ROBO1: variants seen among roughly 807,000 people sequenced by gnomAD.
The protein encoded by ROBO1 is roundabout homolog 1.
A neutral mutation model predicts 195.9 loss-of-function variants in ROBO1; 149 were observed. The ratio of observed to expected loss-of-function variants is 0.76; its 90% CI spans 0.67 to 0.87. The LOEUF (loss-of-function observed/expected upper bound fraction) is 0.87, where lower values mean the gene tolerates loss of function less well. ROBO1 is among the 40% of genes least tolerant of loss of function. ROBO1 has a pLI of 0.00. For missense variants in ROBO1, 1,933 were observed against 2,068.3 expected (o/e 0.93, Z 1.27); for synonymous variants, 816 against 733.2 (o/e 1.11, Z -1.82).
At chr3:78,633,187 A>G (rs1200962122) in intron 24 of ROBO1, among the ~76,000 whole-genome samples, 1 of 152,212 alleles carries the variant, frequency 6.6e-6, no homozygotes, top group East Asian at 1.9e-4. Flanking sequence ...CTGGAGAAAC[A>G]TTGCTAGAGT....
chr3:78,763,549 C>T (rs1199206021), intron 4 of ROBO1, among the ~76,000 whole-genome samples: 3 of 152,130 alleles, frequency 2.0e-5, no homozygotes, highest in African/African-American at 7.2e-5. Context: ...TTTGGTAATA[C>T]ATGCCTATAA....
chr3:78,979,939 T>C (rs1028393277), intron 3 of ROBO1, among the ~76,000 whole-genome samples: 5 of 152,108 alleles, frequency 3.3e-5, no homozygotes, highest in African/African-American at 1.2e-4. Flanking sequence ...CTTTCTAAAA[T>C]AGAAAAAGCT....
intron 4 of ROBO1, among the ~76,000 whole-genome samples, chr3:78,763,427 T>A (rs981043834): frequency 3.3e-5 from 5 of 152,186 alleles, no homozygotes; most frequent in African/African-American, 1.2e-4. Flanking sequence ...TTTATCATTT[T>A]TACCATTTAA....
chr3:79,763,340 C>A (rs1704815463), intron 1 of ROBO1, among the ~76,000 whole-genome samples: 1 of 151,982 alleles, frequency 6.6e-6, no homozygotes, highest in Admixed American at 6.6e-5. Context: ...AAGGTAAAGG[C>A]TCAAAAAATG....
intron 1 of ROBO1, among the ~76,000 whole-genome samples, chr3:79,764,407 C>A (rs889798924): frequency 2.6e-5 from 4 of 152,170 alleles, no homozygotes; most frequent in Non-Finnish European, 5.9e-5. Flanking sequence ...TGTCTGTGGT[C>A]TCAGAAAGAG....
chr3:79,742,454 C>T (rs961797420), intron 1 of ROBO1, among the ~76,000 whole-genome samples: 9 of 151,966 alleles, frequency 5.9e-5, no homozygotes, highest in Non-Finnish European at 1.3e-4. Context: ...CCAAGGTTTC[C>T]CTGTGGTGTT....
chr3:78,754,385 C>T (rs1054460042), intron 4 of ROBO1, among the ~76,000 whole-genome samples: 1 of 152,114 alleles, frequency 6.6e-6, no homozygotes, highest in Non-Finnish European at 1.5e-5. Context: ...AGCTACGGGA[C>T]CCTGATTAGG....
Position 78,938,787 on chromosome 3 carries a change from C to T in ROBO1, c.313G>A (p.Gly105Arg). The T allele has an allele frequency of 6.2e-7, 1 of 1,613,954 alleles. No individual in the cohort carries two copies. The highest frequency in any genetic ancestry group is 8.5e-7 in the Non-Finnish European group (1 of 1,179,878). ...TCTTTGTCTGTCTCCACTCTCTCTC[C>T]CCCTTTGTACCATTCAATAGTGGGT... is the stretch of plus-strand genomic sequence containing the variant. ...PTPTIEWYKG[G>R]ERVETDKDDP... is the part of the protein sequence containing the mutation. The change falls in exon 4 of 31, where the codon GGA becomes AGA. Residue 105 changes from glycine (G) to arginine (R), a missense_variant. Gly to Arg is a moderately radical substitution (Grantham distance 125). Transcript: ENST00000464233.
chr3:79,373,850 TG>T (rs1391230425), intron 2 of ROBO1, among the ~76,000 whole-genome samples: 3 of 152,196 alleles, frequency 2.0e-5, no homozygotes, highest in Non-Finnish European at 4.4e-5. Flanking sequence ...GGTCACTATG[TG>T]GATTTAAAAC....
At chr3:79,546,981 AC>A (rs1942288140) in intron 2 of ROBO1, among the ~76,000 whole-genome samples, 1 of 152,042 alleles carries the variant, frequency 6.6e-6, no homozygotes, top group Non-Finnish European at 1.5e-5. Context: ...GGAGATCAAG[AC>A]CATCTTGGCT....
chr3:79,633,756 T>C (rs1945416190), intron 1 of ROBO1, among the ~76,000 whole-genome samples: 1 of 151,998 alleles, frequency 6.6e-6, no homozygotes, highest in African/African-American at 2.4e-5. Flanking sequence ...AAATAACCTT[T>C]GATACCCCAT....
rs187497134 is a variant in ROBO1 at position 78,639,985 on chromosome 3, G to C, written c.2883-87C>G. Reference sequence around the variant, plus strand: ...AAAATTCCAATAAATTCCTCATCTTGTTATGCTCACAAATCATCTGATGAA... The same window carrying C: ...AAAATTCCAATAAATTCCTCATCTTCTTATGCTCACAAATCATCTGATGAA... On this transcript the variant is annotated intron_variant, in intron 21 of 30. Transcript: ENST00000464233. 2.0e-4 allele frequency: 219 copies of C among 1,096,388 alleles called. 1 individual carries two copies. In the African/African-American group the frequency reaches 3.3e-3, roughly 17 times the overall value. The allele number at this position is 1,096,388 out of a possible 1,614,324, so 67.9% of individuals were successfully genotyped here.
intron 2 of ROBO1, among the ~76,000 whole-genome samples, chr3:79,176,013 G>C (rs966467660): frequency 6.6e-6 from 1 of 152,078 alleles, no homozygotes; most frequent in Admixed American, 6.6e-5. Flanking sequence ...TGAAGGTTAC[G>C]CTGATCAACT....
chr3:79,442,808 T>C (rs1228177311), intron 2 of ROBO1, among the ~76,000 whole-genome samples: 1 of 152,196 alleles, frequency 6.6e-6, no homozygotes, highest in Non-Finnish European at 1.5e-5. Context: ...CTTAGAATTC[T>C]TTCCTGAACC....
intron 4 of ROBO1, among the ~76,000 whole-genome samples, chr3:78,855,108 C>G (rs921578906): frequency 1.3e-5 from 2 of 151,616 alleles, no homozygotes; most frequent in African/African-American, 4.8e-5. Context: ...TGGGGACACA[C>G]AGAGTGTCTG....
intron 1 of ROBO1, among the ~76,000 whole-genome samples, chr3:79,764,517 T>G (rs2107533348): frequency 6.6e-6 from 1 of 152,354 alleles, no homozygotes; most frequent in East Asian, 1.9e-4. Flanking sequence ...TTGCACCTGC[T>G]CATTCATCAA....
chr3:79,424,299 C>T (rs1271472283), intron 2 of ROBO1, among the ~76,000 whole-genome samples: 2 of 152,108 alleles, frequency 1.3e-5, no homozygotes, highest in Non-Finnish European at 2.9e-5. Context: ...AAGTTATTCA[C>T]TAGCTCTACA....
intron 8 of ROBO1, among the ~76,000 whole-genome samples, chr3:78,703,634 C>T (rs964474044): frequency 6.6e-6 from 1 of 151,978 alleles, no homozygotes; most frequent in Non-Finnish European, 1.5e-5. Context: ...AGAAGAAAGA[C>T]ACACAAACCT....
intron 2 of ROBO1, among the ~76,000 whole-genome samples, chr3:79,496,555 T>C (rs1939756576): frequency 6.8e-6 from 1 of 146,768 alleles, no homozygotes; most frequent in Non-Finnish European, 1.5e-5. Context: ...GGCTAATTTT[T>C]TGTATTTTTT....
Sources: gnomAD v4.1 joint callset for allele counts (sites outside exome capture counted in the v4.1 genomes callset) on GRCh38, gnomAD v4.1.1 for gene constraint, MANE v1.5 for transcripts, NCBI Gene and HGNC (gene_info 2026-07-23, HGNC 2026-07-21) for gene names.